Variants in PHLDB3 observed in about 807,000 individuals in gnomAD.
The protein encoded by PHLDB3 is pleckstrin homology like domain family B member 3.
Under a neutral mutation model 85.7 loss-of-function variants are expected in PHLDB3, and 86 were observed. The ratio of observed to expected loss-of-function variants is 1.00; its 90% CI spans 0.84 to 1.20. PHLDB3 has a LOEUF of 1.20. PHLDB3 is among the 50% of genes most tolerant of loss of function. The probability of loss-of-function intolerance (pLI) is 0.00; values close to 1 mark genes in which losing one functional copy is unlikely to be tolerated. For synonymous variants in PHLDB3, 376 were observed against 349.8 expected (o/e 1.07, Z -0.83); for missense variants, 995 against 873.0 (o/e 1.14, Z -1.76).
intron 12 of PHLDB3, 93 bp from the exon 13 acceptor site, chr19:43,486,415 A>G: frequency 1.5e-6 from 2 of 1,363,048 alleles, no homozygotes; most frequent in Non-Finnish European, 2.0e-6. Flanking sequence ...TTCTGAGGGT[A>G]CAGGGACTGG....
Position 43,504,056 on chromosome 19 carries a change from C to T in PHLDB3, c.63G>A (p.Val21=), listed in dbSNP as rs1971688279. ...CGGGATGGCCCTGGGGCTGGACCTC[C>T]ACGTCGCATTCCGGGACCAGCGGCG... The part of the protein sequence containing the change: ...TPPPLVPECD[V]EVQPQGHPEE... Residue 21 remains valine (V), a synonymous_variant, in exon 2 of 16, where the codon GTG becomes GTA. Coordinates refer to ENST00000292140, the MANE Select transcript of PHLDB3 (RefSeq NM_198850.4). 2 of 1,613,602 alleles carry T rather than the reference C, an allele frequency of 1.2e-6. No homozygotes were observed. The highest frequency in any genetic ancestry group is 1.3e-5 in the African/African-American group (1 of 74,938).
intron 9 of PHLDB3, among the ~76,000 whole-genome samples, chr19:43,487,591 A>AAAAAACAC (rs1167897767): frequency 8.6e-6 from 1 of 115,770 alleles, no homozygotes; most frequent in African/African-American, 3.1e-5. Flanking sequence ...AAAAAAAAAA[A>AAAAAACAC]ACACAGAAAA....
chr19:43,490,173 A>G lies in PHLDB3; in HGVS notation c.1150-3050T>C, dbSNP rs143545530. 4.9e-3 allele frequency among the ~76,000 whole-genome samples: 746 copies of G among 152,160 alleles called. 4 individuals carry two copies. The highest frequency in any genetic ancestry group is 0.016 in the African/African-American group (680 of 41,528). Reference sequence around the variant, plus strand: ...TGTTGTCTCAGTGGTAGTTTCCTGAAATCGATCATTGAACTGTGGTTGTGT... The same window carrying G: ...TGTTGTCTCAGTGGTAGTTTCCTGAGATCGATCATTGAACTGTGGTTGTGT... On this transcript the variant is annotated intron_variant, in intron 9 of 15. Coordinates refer to ENST00000292140, the MANE Select transcript of PHLDB3 (RefSeq NM_198850.4).
In PHLDB3 at chr19:43,479,443, T is replaced by C. The variant is rs535287887; in HGVS notation, c.1636A>G (p.Ile546Val). 3.2e-6 allele frequency: 5 copies of C among 1,567,106 alleles called. No homozygotes were observed. In the East Asian group the frequency reaches 1.2e-4, roughly 37 times the overall value. The stretch of plus-strand genomic sequence containing the variant: ...AACCATCGCTTCCTCCAGGTCTTGA[T>C]GCGGCCGCCCATCTTCACCAGGGGT... Reference protein sequence around the residue: ...RGPLVKMGGRIKTWRKRWFCF... With the variant: ...RGPLVKMGGRVKTWRKRWFCF... Residue 546 changes from isoleucine to valine, a missense_variant, in exon 14 of 16, where the codon ATC becomes GTC. By Grantham distance (29) the Ile-to-Val change is conservative. Transcript: ENST00000292140.
Position 43,489,340 on chromosome 19 carries a change from C to T in PHLDB3, c.1150-2217G>A, listed in dbSNP as rs192977651. The stretch of plus-strand genomic sequence containing the variant: ...CATGATCATGCCACTGCACTCCAGC[C>T]TGGGCGACAGTGAGATCTATCTCTT... On this transcript the variant is annotated intron_variant, in intron 9 of 15. Transcript: ENST00000292140. Among the ~76,000 whole-genome samples the T allele has an allele frequency of 4.3e-3, 648 of 150,452 alleles. 7 individuals are homozygous for T. Among genetic ancestry groups the T allele is most frequent in the African/African-American group, 0.014 (592 of 40,976 alleles).
intron 13 of PHLDB3, among the ~76,000 whole-genome samples, chr19:43,481,483 T>TGGC (rs1971045816): frequency 6.6e-6 from 1 of 152,106 alleles, no homozygotes; most frequent in Admixed American, 6.6e-5. Context: ...CCAGGCGTGG[T>TGGC]GGCGCATGCC....
At chr19:43,499,414 G>A (rs975600753) in intron 4 of PHLDB3, among the ~76,000 whole-genome samples, 9 of 152,044 alleles carry the variant, frequency 5.9e-5, no homozygotes, top group African/African-American at 2.2e-4. Flanking sequence ...TGGGTTTGAG[G>A]GAGGAGGAGC....
rs1323644254 is a variant in PHLDB3 at position 43,502,248 on chromosome 19, T to C, written c.249A>G (p.Thr83=). The change falls in exon 3 of 16, where the codon ACA becomes ACG. Residue 83 remains threonine (T), a synonymous_variant. Transcript: ENST00000292140. ...CCCGCGAAGAGGTGGATGCGGGAGGTGTGGCCGCCATAGCTATCGGAGGCG... is the reference window on the plus strand; with the variant it reads ...CCCGCGAAGAGGTGGATGCGGGAGGCGTGGCCGCCATAGCTATCGGAGGCG... ...EATPPIAMAA[T]PPASTSSREG... is the part of the protein sequence containing the mutation. 2 of 1,563,476 alleles carry C rather than the reference T, an allele frequency of 1.3e-6. No individual in the cohort carries two copies. Among genetic ancestry groups the C allele is most frequent in the Non-Finnish European group, 1.7e-6 (2 of 1,156,854 alleles).
chr19:43,497,540 C>G (rs985255492), intron 5 of PHLDB3, among the ~76,000 whole-genome samples: 1 of 152,022 alleles, frequency 6.6e-6, no homozygotes, highest in Non-Finnish European at 1.5e-5. Context: ...AGTGAAACCC[C>G]GTCTCTACTA....
chr19:43,475,260 G>T lies in PHLDB3; in HGVS notation c.*150C>A, dbSNP rs1970897601. 2.4e-5 allele frequency: 27 copies of T among 1,124,752 alleles called. No individual in the cohort carries two copies. The highest frequency in any genetic ancestry group is 3.3e-5 in the Non-Finnish European group (27 of 810,854). 69.7% of individuals were successfully genotyped at this position (1,124,752 alleles called of 1,614,324 possible). On this transcript the variant is annotated 3_prime_UTR_variant, in exon 16 of 16. Transcript: ENST00000292140. The stretch of plus-strand genomic sequence containing the variant: ...TGCAACCCAGAACGCAGCAGCTCAG[G>T]CCAGCTGAACTGCCGCGCCTGCGGA...
intron 1 of PHLDB3, 86 bp from the exon 2 acceptor site, chr19:43,504,218 C>CG (rs1355623244): frequency 1.1e-5 from 13 of 1,222,812 alleles, no homozygotes; most frequent in Non-Finnish European, 1.2e-5. Flanking sequence ...GCGCGGAGAC[C>CG]CCCCCCCAAG....
At chr19:43,486,204 C>T (rs374035955) in intron 13 of PHLDB3, 62 bp downstream of exon 13, 25 of 1,518,274 alleles carry the variant, frequency 1.6e-5, no homozygotes, top group Non-Finnish European at 2.2e-5. Flanking sequence ...TAAGAAAGGG[C>T]ATAGGTCAGG....
chr19:43,495,475 G>A lies in PHLDB3; in HGVS notation c.951+20C>T. 1 of 1,605,788 alleles carries A rather than the reference G, an allele frequency of 6.2e-7. No individual in the cohort carries two copies. Among genetic ancestry groups the A allele is most frequent in the African/African-American group, 1.3e-5 (1 of 74,892 alleles). On this transcript the variant is annotated intron_variant, in intron 7 of 15. Coordinates refer to ENST00000292140, the MANE Select transcript of PHLDB3 (RefSeq NM_198850.4). ...GGGGAAGTGAGGACGGTAGGGTAGG[G>A]CAGGTGACAGGTAGCTCACCTGTGA...
intron 13 of PHLDB3, among the ~76,000 whole-genome samples, chr19:43,480,609 G>A (rs924104457): frequency 3.3e-5 from 5 of 152,130 alleles, no homozygotes; most frequent in African/African-American, 1.2e-4. Flanking sequence ...AAAAAAGAAA[G>A]AGAGAGCTTG....
At chr19:43,489,025 C>T (rs1021898372) in intron 9 of PHLDB3, among the ~76,000 whole-genome samples, 2 of 152,128 alleles carry the variant, frequency 1.3e-5, no homozygotes, top group African/African-American at 2.4e-5. Context: ...GTCTCGAACT[C>T]CTGACTTCAA....
rs1455019193 is a variant in PHLDB3 at position 43,495,603 on chromosome 19, G to T, written c.843C>A (p.His281Gln). The change falls in exon 7 of 16, where the codon CAC becomes CAA. Residue 281 changes from histidine to glutamine, a missense_variant. His to Gln is a conservative substitution (Grantham distance 24). Transcript: ENST00000292140. ...GCTGCTCTTCCAGGACCCGGATCCG[G>T]TGCTGCAGAGCACCCCTCTGTCCCG... ...MAQHRRGALQ[H>Q]RIRVLEEQLK... 3 of 1,609,482 alleles carry T rather than the reference G, an allele frequency of 1.9e-6. No homozygotes were observed. Among genetic ancestry groups the T allele is most frequent in the East Asian group, 4.5e-5 (2 of 44,640 alleles).
chr19:43,475,533 G>T lies in PHLDB3; in HGVS notation c.1800C>A (p.Pro600=), dbSNP rs1261665163. The T allele has an allele frequency of 1.2e-6, 2 of 1,613,942 alleles. No homozygotes were observed. The highest frequency in any genetic ancestry group is 1.7e-6 in the Non-Finnish European group (2 of 1,179,874). Residue 600 remains proline (P), a synonymous_variant, in exon 16 of 16, where the codon CCC becomes CCA. Coordinates refer to ENST00000292140, the MANE Select transcript of PHLDB3 (RefSeq NM_198850.4). ...AGGTTTTGACGCAGAAGGTCAGGCG[G>T]GGGTTGGGGCTCTGGAATAAGCAGA... ...HLRCAFKSPN[P]RLTFCVKTYE... is the part of the protein sequence containing the mutation.
chr19:43,480,290 AAAGGAG>A (rs935579480), intron 13 of PHLDB3, among the ~76,000 whole-genome samples: 2 of 148,574 alleles, frequency 1.3e-5, no homozygotes, highest in Non-Finnish European at 1.5e-5. Context: ...AAAAAAAAAA[AAAGGAG>A]AGAGAGAAGA....
chr19:43,493,414 C>T (rs1017479107), intron 9 of PHLDB3, among the ~76,000 whole-genome samples: 1 of 151,986 alleles, frequency 6.6e-6, no homozygotes, highest in Non-Finnish European at 1.5e-5. Context: ...AACAAGAGGA[C>T]CATTTGAGCC....
Sources: allele counts gnomAD v4.1 joint callset (sites outside exome capture counted in the v4.1 genomes callset), GRCh38; gene constraint gnomAD v4.1.1; transcripts MANE v1.5; gene names NCBI Gene and HGNC (gene_info 2026-07-23, HGNC 2026-07-21).